The following KCNH5 variants were observed in gnomAD, a reference collection of about 807,000 sequenced individuals.
The protein encoded by KCNH5 is potassium voltage-gated channel subfamily H member 5.
In KCNH5, 46 loss-of-function variants were observed where a neutral mutation model predicts 96.1. The ratio of observed to expected loss-of-function variants is 0.48; its 90% confidence interval spans 0.38 to 0.61. The LOEUF (loss-of-function observed/expected upper bound fraction) is 0.61. Among genes scored for constraint, KCNH5 ranks in the 20% least tolerant of loss-of-function variants. The pLI, the probability that KCNH5 is intolerant of heterozygous loss-of-function variation, is 0.00. For missense variants in KCNH5, 907 were observed against 1,225.8 expected (o/e 0.74, Z 3.88); for synonymous variants, 439 against 449.8 (o/e 0.98, Z 0.30).
chr14:62,742,312 G>C (rs1223505003), intron 10 of KCNH5, among the ~76,000 whole-genome samples: 1 of 151,924 alleles, frequency 6.6e-6, no homozygotes, highest in Non-Finnish European at 1.5e-5. Context: ...CCTAAATAAG[G>C]CATGAATAAA....
intron 7 of KCNH5, among the ~76,000 whole-genome samples, chr14:62,878,126 A>G (rs575102242): frequency 1.9e-4 from 27 of 145,390 alleles, no homozygotes; most frequent in African/African-American, 6.2e-4. Context: ...GTTCTCACTC[A>G]TAGGTGGGAA....
At chr14:62,971,716 T>C (rs1352610179) in intron 6 of KCNH5, among the ~76,000 whole-genome samples, 1 of 151,744 alleles carries the variant, frequency 6.6e-6, no homozygotes, top group Non-Finnish European at 1.5e-5. Context: ...AATATAGGCA[T>C]AAATCTTAGA....
At chr14:62,955,895 C>T (rs1192454971) in intron 6 of KCNH5, among the ~76,000 whole-genome samples, 2 of 152,136 alleles carry the variant, frequency 1.3e-5, no homozygotes, top group East Asian at 1.9e-4. Flanking sequence ...TTGAACGAAT[C>T]GTCCAAAGAC....
At chr14:62,877,956 C>G (rs1888410048) in intron 7 of KCNH5, among the ~76,000 whole-genome samples, 1 of 151,522 alleles carries the variant, frequency 6.6e-6, no homozygotes. Context: ...AAATGTCCAA[C>G]AATGATAGAC....
chr14:62,788,636 T>A (rs1275524980), intron 9 of KCNH5, among the ~76,000 whole-genome samples: 1 of 152,124 alleles, frequency 6.6e-6, no homozygotes, highest in Non-Finnish European at 1.5e-5. Context: ...TTCATTGTCA[T>A]CTTAGTTTAA....
chr14:62,982,200 G>A (rs563145688), intron 5 of KCNH5, among the ~76,000 whole-genome samples: 26 of 152,256 alleles, frequency 1.7e-4, no homozygotes, highest in South Asian at 6.2e-4. Context: ...GTGGTGGTGC[G>A]TGCCTATAAT....
intron 10 of KCNH5, among the ~76,000 whole-genome samples, chr14:62,769,699 T>C (rs1385080403): frequency 1.3e-5 from 2 of 152,208 alleles, no homozygotes; most frequent in East Asian, 1.9e-4. Context: ...ATCAAAGATA[T>C]TGTGTGTTTT....
chr14:62,888,059 A>T (rs535177442), intron 7 of KCNH5, among the ~76,000 whole-genome samples: 63 of 152,348 alleles, frequency 4.1e-4, no homozygotes, highest in South Asian at 6.2e-4. Flanking sequence ...AGAGGGATTT[A>T]AAAATGTTGG....
At chr14:62,800,763 A>G (rs1336096347) in intron 9 of KCNH5, among the ~76,000 whole-genome samples, 1 of 152,210 alleles carries the variant, frequency 6.6e-6, no homozygotes, top group African/African-American at 2.4e-5. Flanking sequence ...AATGGTTTAC[A>G]GAGTGTAAAT....
chr14:62,885,884 T>A (rs1038287796), intron 7 of KCNH5, among the ~76,000 whole-genome samples: 8 of 152,346 alleles, frequency 5.3e-5, no homozygotes, highest in African/African-American at 1.9e-4. Flanking sequence ...ACAGTGTTAA[T>A]TGTTTTACAA....
chr14:62,749,941 G>A (rs531751886), intron 10 of KCNH5, among the ~76,000 whole-genome samples: 6 of 152,310 alleles, frequency 3.9e-5, no homozygotes, highest in Non-Finnish European at 7.4e-5. Flanking sequence ...CGCTTAGGCA[G>A]CCCAAATTTA....
chr14:62,849,935 G>T, intron 7 of KCNH5, 83 bp from the exon 8 acceptor site: 1 of 1,108,788 alleles, frequency 9.0e-7, no homozygotes, highest in Non-Finnish European at 1.3e-6. Context: ...TGAATAATTT[G>T]ACAGAGACAT....
Position 62,707,776 on chromosome 14 carries a change from G to A in KCNH5, c.2699C>T (p.Pro900Leu), listed in dbSNP as rs1884468071. The A allele has an allele frequency of 6.2e-7, 1 of 1,614,146 alleles. No homozygotes were observed. The highest frequency in any genetic ancestry group is 8.5e-7 in the Non-Finnish European group (1 of 1,180,036). The change falls in exon 11 of 11, where the codon CCC (proline) becomes CTC (leucine). Residue 900 changes from proline to leucine, a missense_variant. Around this residue, in one of 6 missense-constraint regions of KCNH5, gnomAD observed 362 missense variants for 394.4 expected, o/e 0.92. Transcript: ENST00000322893. ...GGTCTGTAAGGCCTGCTCGGGGATG[G>A]GATAAAAGGGGTGCTTGGCATCAGC... The part of the protein sequence containing the change: ...IQADAKHPFY[P>L]IPEQALQTTL...
chr14:62,859,507 T>C (rs1032005711), intron 7 of KCNH5, among the ~76,000 whole-genome samples: 2 of 152,206 alleles, frequency 1.3e-5, no homozygotes. Flanking sequence ...GCTACAAATA[T>C]CTTCACAGTT....
At chr14:62,810,315 G>C (rs1316533953) in intron 8 of KCNH5, among the ~76,000 whole-genome samples, 1 of 151,930 alleles carries the variant, frequency 6.6e-6, no homozygotes, top group African/African-American at 2.4e-5. Context: ...CATTACAGAA[G>C]GTGGATCTTC....
chr14:62,861,648 A>G (rs1311839400), intron 7 of KCNH5, among the ~76,000 whole-genome samples: 1 of 119,922 alleles, frequency 8.3e-6, no homozygotes, highest in East Asian at 3.7e-4. Flanking sequence ...ACACACACAC[A>G]CACACACACA....
chr14:62,763,393 TAAAAG>T (rs145847039), intron 10 of KCNH5, among the ~76,000 whole-genome samples: 4,281 of 151,974 alleles, frequency 0.028, 150 homozygotes, highest in East Asian at 0.091. Flanking sequence ...AAGGCAGTGT[TAAAAG>T]AAAAGACCAT....
intron 7 of KCNH5, among the ~76,000 whole-genome samples, chr14:62,930,234 A>G (rs1040327658): frequency 3.9e-5 from 6 of 152,086 alleles, no homozygotes; most frequent in African/African-American, 1.4e-4. Flanking sequence ...TGCTGAACTA[A>G]TTTACATTCC....
At chr14:62,732,417 T>C (rs542282282) in intron 10 of KCNH5, among the ~76,000 whole-genome samples, 2 of 152,278 alleles carry the variant, frequency 1.3e-5, no homozygotes, top group Admixed American at 6.5e-5. Context: ...TATCATAAAG[T>C]AGCTTTAACT....
Sources: allele counts gnomAD v4.1 joint callset (sites outside exome capture counted in the v4.1 genomes callset), GRCh38; gene constraint gnomAD v4.1.1; regional missense constraint gnomAD v4.1.1; transcripts MANE v1.5; gene names NCBI Gene and HGNC (gene_info 2026-07-23, HGNC 2026-07-21).